Variants in RFX4 observed in about 807,000 individuals in gnomAD.
The protein encoded by RFX4 is regulatory factor X4, also known as transcription factor RFX4.
Under a neutral mutation model 95.0 loss-of-function variants are expected in RFX4, and 10 were observed. The ratio of observed to expected loss-of-function variants is 0.11; its 90% CI spans 0.06 to 0.18. The LOEUF (loss-of-function observed/expected upper bound fraction) is 0.18. Among genes scored for constraint, RFX4 ranks in the 10% least tolerant of loss-of-function variants. RFX4 has a pLI of 1.00. For synonymous variants in RFX4, 321 were observed against 340.7 expected (o/e 0.94, Z 0.64); for missense variants, 640 against 922.0 (o/e 0.69, Z 3.96).
intron 4 of RFX4, among the ~76,000 whole-genome samples, chr12:106,664,535 TC>T (rs1191231023): frequency 1.3e-5 from 2 of 151,860 alleles, no homozygotes; most frequent in African/African-American, 4.8e-5. Flanking sequence ...TTTATTGATT[TC>T]CTGTTTTCAA....
At chr12:106,662,374 G>C (rs1208860748) in intron 4 of RFX4, 1 of 154,382 alleles carries the variant, frequency 6.5e-6, no homozygotes, top group African/African-American at 2.4e-5. Flanking sequence ...TGAGGTGTTT[G>C]TTAAGTAAGG....
chr12:106,740,366 C>T (rs933884151), intron 15 of RFX4, among the ~76,000 whole-genome samples: 28 of 152,120 alleles, frequency 1.8e-4, no homozygotes, highest in African/African-American at 6.5e-4. Context: ...ACAGAGTCTG[C>T]GATGACTCAT....
chr12:106,670,310 C>G (rs562338810), intron 4 of RFX4, among the ~76,000 whole-genome samples: 1 of 152,280 alleles, frequency 6.6e-6, no homozygotes, highest in South Asian at 2.1e-4. Context: ...TTTGACTTAA[C>G]CTGTATCTTA....
intron 2 of RFX4, 62 bp downstream of exon 2, chr12:106,608,945 G>T: frequency 6.7e-7 from 1 of 1,483,376 alleles, no homozygotes; most frequent in South Asian, 1.2e-5. Context: ...CTGATGGGAG[G>T]GTAGTGCCAC....
At chr12:106,626,896 G>A (rs933059240) in intron 2 of RFX4, among the ~76,000 whole-genome samples, 5 of 152,010 alleles carry the variant, frequency 3.3e-5, no homozygotes, top group Non-Finnish European at 7.4e-5. Flanking sequence ...TATCCTAGGC[G>A]GGAGTCCAGA....
At chr12:106,700,359 A>T (rs1301135155) in intron 8 of RFX4, among the ~76,000 whole-genome samples, 1 of 151,316 alleles carries the variant, frequency 6.6e-6, no homozygotes, top group South Asian at 2.1e-4. Flanking sequence ...AATACCTCTT[A>T]AAAAAAATTT....
intron 1 of RFX4, among the ~76,000 whole-genome samples, chr12:106,601,757 G>A (rs2039716142): frequency 6.6e-6 from 1 of 152,170 alleles, no homozygotes; most frequent in Admixed American, 6.5e-5. Context: ...GCTCCTAACG[G>A]ACTCTTCCAC....
chr12:106,710,030 G>T (rs2042162411), intron 9 of RFX4, among the ~76,000 whole-genome samples: 1 of 152,154 alleles, frequency 6.6e-6, no homozygotes, highest in South Asian at 2.1e-4. Context: ...TTTGCTGAGT[G>T]TTGGCACCCA....
intron 15 of RFX4, among the ~76,000 whole-genome samples, chr12:106,743,462 G>A (rs2042840682): frequency 6.6e-6 from 1 of 152,174 alleles, no homozygotes; most frequent in Non-Finnish European, 1.5e-5. Flanking sequence ...GCCTGCCTGA[G>A]TGGATGTGTT....
At chr12:106,679,109 A>G (rs2041452176) in intron 4 of RFX4, among the ~76,000 whole-genome samples, 1 of 152,220 alleles carries the variant, frequency 6.6e-6, no homozygotes, top group Non-Finnish European at 1.5e-5. Flanking sequence ...TACAGCCTTG[A>G]CAGCACTGAA....
At chr12:106,709,205 C>T (rs1041129197) in intron 8 of RFX4, 125 bp from the exon 9 acceptor site, 41 of 728,108 alleles carry the variant, frequency 5.6e-5, no homozygotes, top group African/African-American at 4.9e-4. Context: ...TCTGAGGTTG[C>T]TATTACAAAT....
chr12:106,681,199 A>G (rs2041501483), intron 4 of RFX4: 1 of 152,222 alleles, frequency 6.6e-6, no homozygotes. Flanking sequence ...TCATTCCTTC[A>G]TTCAACAGAT....
chr12:106,690,719 T>C (rs2041763172), intron 7 of RFX4, among the ~76,000 whole-genome samples: 1 of 152,106 alleles, frequency 6.6e-6, no homozygotes, highest in Non-Finnish European at 1.5e-5. Flanking sequence ...AGAAATAAAA[T>C]AGCACTTCTG....
Position 106,740,324 on chromosome 12 carries a change from G to T in RFX4, c.1634-7113G>T, listed in dbSNP as rs527967170. Reference sequence around the variant, plus strand: ...TAGTTATTCTGAGGGCAGCTAAACCGAGTGGGATAGGATGGACACTTCAGC... The same window carrying T: ...TAGTTATTCTGAGGGCAGCTAAACCTAGTGGGATAGGATGGACACTTCAGC... On this transcript the variant is annotated intron_variant, in intron 15 of 17. Transcript: ENST00000392842. Among the ~76,000 whole-genome samples the T allele has an allele frequency of 5.6e-4, 85 of 152,296 alleles. 3 individuals carry two copies. In the South Asian group the frequency reaches 0.017, roughly 30 times the overall value.
intron 17 of RFX4, among the ~76,000 whole-genome samples, chr12:106,757,921 G>A (rs1159111528): frequency 1.3e-5 from 2 of 152,232 alleles, no homozygotes; most frequent in African/African-American, 2.4e-5. Context: ...TCTGATGAAC[G>A]TTGGACTGTG....
intron 4 of RFX4, among the ~76,000 whole-genome samples, chr12:106,669,306 G>C (rs1779580889): frequency 6.6e-6 from 1 of 152,212 alleles, no homozygotes; most frequent in African/African-American, 2.4e-5. Flanking sequence ...ACTGGAGAAA[G>C]GGAAGCTGAG....
At chr12:106,743,832 G>T (rs114384278) in intron 15 of RFX4, among the ~76,000 whole-genome samples, 1 of 152,110 alleles carries the variant, frequency 6.6e-6, no homozygotes, top group Non-Finnish European at 1.5e-5. Context: ...CGCTGTGCTC[G>T]CCTGAGGTCC....
chr12:106,650,934 G>A (rs1282253029), intron 3 of RFX4, among the ~76,000 whole-genome samples: 1 of 151,952 alleles, frequency 6.6e-6, no homozygotes, highest in African/African-American at 2.4e-5. Context: ...AAGCACTCAG[G>A]TCTTCCCGAC....
At chr12:106,750,318 A>G (rs2042975381) in intron 16 of RFX4, among the ~76,000 whole-genome samples, 1 of 152,030 alleles carries the variant, frequency 6.6e-6, no homozygotes, top group South Asian at 2.1e-4. Context: ...CTCTATTAAA[A>G]ATATAAAAAT....
Sources: gnomAD v4.1 joint callset for allele counts (sites outside exome capture counted in the v4.1 genomes callset) on GRCh38, gnomAD v4.1.1 for gene constraint, MANE v1.5 for transcripts, NCBI Gene and HGNC (gene_info 2026-07-23, HGNC 2026-07-21) for gene names.